ABI3BP: variants seen among roughly 807,000 people sequenced by gnomAD.
ABI3BP encodes ABI family member 3 binding protein, also known as target of Nesh-SH3.
In ABI3BP, 216 loss-of-function variants were observed where a neutral mutation model predicts 268.6. The ratio of observed to expected loss-of-function variants is 0.80; its 90% CI spans 0.72 to 0.90. ABI3BP has a LOEUF of 0.90. Ranked by LOEUF, ABI3BP falls within the 40% of genes least tolerant of loss-of-function variation. The pLI, the probability that ABI3BP is intolerant of heterozygous loss-of-function variation, is 0.00. For synonymous variants in ABI3BP, 730 were observed against 730.0 expected (o/e 1.00, Z 0.00); for missense variants, 2,090 against 2,182.4 (o/e 0.96, Z 0.84).
chr3:100,918,868 T>C (rs988439641), intron 2 of ABI3BP, among the ~76,000 whole-genome samples: 2 of 152,188 alleles, frequency 1.3e-5, no homozygotes, highest in Non-Finnish European at 2.9e-5. Context: ...GAGCTCAGAC[T>C]TCCTAGCTTC....
chr3:100,984,865 C>A (rs1562302765), intron 1 of ABI3BP, among the ~76,000 whole-genome samples: 1 of 152,046 alleles, frequency 6.6e-6, no homozygotes, highest in Non-Finnish European at 1.5e-5. Flanking sequence ...AGAAGAGACC[C>A]ACAGGGTATC....
At chr3:100,981,490 A>G (rs995089595) in intron 1 of ABI3BP, among the ~76,000 whole-genome samples, 1 of 152,154 alleles carries the variant, frequency 6.6e-6, no homozygotes, top group Non-Finnish European at 1.5e-5. Flanking sequence ...GGGAGTGCAG[A>G]AAAAGAGTCA....
chr3:100,955,977 C>T (rs1449603588), intron 1 of ABI3BP, among the ~76,000 whole-genome samples: 1 of 152,022 alleles, frequency 6.6e-6, no homozygotes, highest in Non-Finnish European at 1.5e-5. Context: ...CACCTGAGGT[C>T]AGGAGTTCGA....
Position 100,926,465 on chromosome 3 carries a change from G to A in ABI3BP, c.96C>T (p.Leu32=), listed in dbSNP as rs1447096341. 1.2e-6 allele frequency: 2 copies of A among 1,613,042 alleles called. No homozygotes were observed. The highest frequency in any genetic ancestry group is 1.7e-6 in the Non-Finnish European group (2 of 1,179,424). Residue 32 remains leucine (L), a synonymous_variant, in exon 2 of 68, where the codon CTC becomes CTT. Transcript: ENST00000471714. ...QKLPKGKRPN[L]KVHINTTSDS... ...CACTTGTGGTATTGATGTGGACTTT[G>A]AGGTTTGGCCTTTTACCTAACAATG...
intron 59 of ABI3BP, among the ~76,000 whole-genome samples, chr3:100,776,623 C>T (rs751685693): frequency 1.6e-4 from 25 of 152,172 alleles, no homozygotes; most frequent in Non-Finnish European, 3.4e-4. Flanking sequence ...TGATGCTAAT[C>T]AGGCCAAATC....
chr3:100,792,034 T>A (rs1365555770), intron 55 of ABI3BP, among the ~76,000 whole-genome samples: 2 of 151,754 alleles, frequency 1.3e-5, no homozygotes. Context: ...GTATTAGCAG[T>A]CCACAAGTGT....
At chr3:100,795,205 T>C (rs1294056090) in intron 53 of ABI3BP, among the ~76,000 whole-genome samples, 4 of 152,040 alleles carry the variant, frequency 2.6e-5, no homozygotes, top group Non-Finnish European at 5.9e-5. Flanking sequence ...ACATACTACA[T>C]GACATTCTGT....
At chr3:100,895,002 A>G (rs937170661) in intron 4 of ABI3BP, among the ~76,000 whole-genome samples, 1 of 150,452 alleles carries the variant, frequency 6.6e-6, no homozygotes, top group African/African-American at 2.4e-5. Context: ...AATGTTAGAA[A>G]ATGCGAAAGT....
At chr3:100,959,489 CAAA>C (rs35465693) in intron 1 of ABI3BP, among the ~76,000 whole-genome samples, 4 of 36,094 alleles carry the variant, frequency 1.1e-4, no homozygotes, top group East Asian at 1.1e-3. Context: ...GACTCCGTCT[CAAA>C]AAAAAAAAAA....
At chr3:100,991,682 T>C (rs1402223094) in intron 1 of ABI3BP, among the ~76,000 whole-genome samples, 1 of 152,196 alleles carries the variant, frequency 6.6e-6, no homozygotes, top group African/African-American at 2.4e-5. Context: ...TCTTTTATCA[T>C]TATTATAATT....
chr3:100,848,734 TTACTA>T, intron 18 of ABI3BP, 62 bp downstream of exon 18: 4 of 1,514,014 alleles, frequency 2.6e-6, no homozygotes. Flanking sequence ...GCTATCCTTC[TTACTA>T]TAAGAAAATG....
At chr3:100,952,719 G>A (rs974035838) in intron 1 of ABI3BP, 1 of 152,050 alleles carries the variant, frequency 6.6e-6, no homozygotes, top group African/African-American at 2.4e-5. Context: ...AATTCGTGAA[G>A]TGTTCCATAT....
At chr3:100,876,093 C>T (rs975259493) in intron 7 of ABI3BP, among the ~76,000 whole-genome samples, 1 of 152,078 alleles carries the variant, frequency 6.6e-6, no homozygotes, top group African/African-American at 2.4e-5. Flanking sequence ...ATTTGAAAAA[C>T]CAGAAGCCAA....
intron 1 of ABI3BP, among the ~76,000 whole-genome samples, chr3:100,985,366 G>A (rs1471558320): frequency 6.6e-6 from 1 of 151,658 alleles, no homozygotes; most frequent in Non-Finnish European, 1.5e-5. Flanking sequence ...AGCCAGGATG[G>A]TCTCGATCCC....
intron 32 of ABI3BP, 124 bp downstream of exon 32, chr3:100,830,454 G>T: frequency 2.7e-6 from 2 of 734,680 alleles, no homozygotes; most frequent in Non-Finnish European, 2.1e-6. Flanking sequence ...ATATTAAGAA[G>T]TAATGAATAA....
intron 13 of ABI3BP, 73 bp downstream of exon 13, chr3:100,862,765 A>T: frequency 1.9e-6 from 2 of 1,030,114 alleles, no homozygotes; most frequent in Non-Finnish European, 2.8e-6. Context: ...AATAAGATGC[A>T]GTAAATGTGT....
At chr3:100,814,615 A>T (rs2152531915) in intron 44 of ABI3BP, among the ~76,000 whole-genome samples, 1 of 152,218 alleles carries the variant, frequency 6.6e-6, no homozygotes, top group East Asian at 1.9e-4. Context: ...AGAAAACCTT[A>T]GGGTTTCTTC....
chr3:100,876,891 G>A (rs2099166648), intron 6 of ABI3BP, among the ~76,000 whole-genome samples: 1 of 152,108 alleles, frequency 6.6e-6, no homozygotes, highest in African/African-American at 2.4e-5. Flanking sequence ...GGGAGGCTAA[G>A]GAAGGAGAAT....
At chr3:100,883,807 T>C (rs1474757086) in intron 6 of ABI3BP, among the ~76,000 whole-genome samples, 1 of 152,080 alleles carries the variant, frequency 6.6e-6, no homozygotes, top group Non-Finnish European at 1.5e-5. Flanking sequence ...ATGATTAGCA[T>C]TGTGAACAAA....
Sources: gnomAD v4.1 joint callset for allele counts (sites outside exome capture counted in the v4.1 genomes callset) on GRCh38, gnomAD v4.1.1 for gene constraint, MANE v1.5 for transcripts, NCBI Gene and HGNC (gene_info 2026-07-23, HGNC 2026-07-21) for gene names.